LINGO2: variants seen among roughly 807,000 people sequenced by gnomAD.
The protein encoded by LINGO2 is leucine-rich repeat and immunoglobulin-like domain-containing nogo receptor-interacting protein 2.
Under a neutral mutation model 30.6 loss-of-function variants are expected in LINGO2, and 14 were observed. The observed-to-expected ratio is 0.46, with a 90% CI of 0.30 to 0.72. The LOEUF (loss-of-function observed/expected upper bound fraction) is 0.72, where lower values mean the gene tolerates loss of function less well. LINGO2 is among the 30% of genes least tolerant of loss of function. The pLI is 0.07. For missense variants in LINGO2, 729 were observed against 751.7 expected, an observed-to-expected ratio of 0.97 and a Z score of 0.35; for synonymous variants, 317 against 288.5, an observed-to-expected ratio of 1.10 and a Z score of -1.00.
chr9:28,831,282 A>G, the LINGO2 span, among the ~76,000 whole-genome samples: 1 of 152,218 alleles, frequency 6.6e-6, no homozygotes, highest in African/African-American at 2.4e-5. Flanking sequence ...GAAAAATTAA[A>G]CGTACAAAGA....
At chr9:29,079,386 CT>C in the LINGO2 span, among the ~76,000 whole-genome samples, 4 of 151,968 alleles carry the variant, frequency 2.6e-5, no homozygotes, top group East Asian at 7.7e-4. Flanking sequence ...GAGAAAATGT[CT>C]GCTAAAAGGC....
the LINGO2 span, among the ~76,000 whole-genome samples, chr9:28,679,426 TTGCTGA>T: frequency 6.6e-6 from 1 of 152,112 alleles, no homozygotes; most frequent in Non-Finnish European, 1.5e-5. Context: ...TAAGGATGTC[TTGCTGA>T]TGCTTTTCAG....
the LINGO2 span, among the ~76,000 whole-genome samples, chr9:28,692,253 T>C: frequency 3.9e-5 from 6 of 151,966 alleles, no homozygotes; most frequent in Non-Finnish European, 5.9e-5. Context: ...GGTCGGCGGA[T>C]CACCTGAGGT....
At chr9:28,542,858 T>A (rs777383188) in intron 1 of LINGO2, among the ~76,000 whole-genome samples, 1 of 151,994 alleles carries the variant, frequency 6.6e-6, no homozygotes, top group East Asian at 1.9e-4. Flanking sequence ...GAGAACAACA[T>A]GCCTAAAGCT....
At chr9:29,105,689 C>T in the LINGO2 span, among the ~76,000 whole-genome samples, 35,854 of 151,910 alleles carry the variant, frequency 0.24, 4,362 homozygotes, top group East Asian at 0.4. Context: ...CCTGACCTAA[C>T]GAATTCATGC....
the LINGO2 span, among the ~76,000 whole-genome samples, chr9:29,032,017 T>C: frequency 6.6e-6 from 1 of 152,134 alleles, no homozygotes; most frequent in Non-Finnish European, 1.5e-5. Context: ...AAGTTTGTAA[T>C]ACAAAATAGC....
intron 2 of LINGO2, among the ~76,000 whole-genome samples, chr9:28,458,585 C>G (rs1409060277): frequency 6.6e-6 from 1 of 152,086 alleles, no homozygotes; most frequent in Non-Finnish European, 1.5e-5. Context: ...ACTTGGTCAT[C>G]CTCTCACTGA....
intron 1 of LINGO2, among the ~76,000 whole-genome samples, chr9:28,579,421 T>G (rs1824153812): frequency 6.6e-6 from 1 of 152,120 alleles, no homozygotes; most frequent in Non-Finnish European, 1.5e-5. Flanking sequence ...AATACTTTGT[T>G]GCTGGCTGTC....
At chr9:28,478,821 G>A (rs529801774) in intron 1 of LINGO2, among the ~76,000 whole-genome samples, 4 of 152,050 alleles carry the variant, frequency 2.6e-5, no homozygotes, top group African/African-American at 9.6e-5. Flanking sequence ...GCACCCTGAT[G>A]TCACCTAATG....
chr9:29,018,095 A>C, the LINGO2 span, among the ~76,000 whole-genome samples: 5 of 24,730 alleles, frequency 2.0e-4, no homozygotes, highest in African/African-American at 3.9e-4. Flanking sequence ...TACATTTTAT[A>C]TATATATATA....
At chr9:28,790,199 T>C in the LINGO2 span, among the ~76,000 whole-genome samples, 1 of 152,176 alleles carries the variant, frequency 6.6e-6, no homozygotes, top group Non-Finnish European at 1.5e-5. Flanking sequence ...ATATATTACC[T>C]GTCTGTTAGT....
At chr9:28,700,732 T>A in the LINGO2 span, among the ~76,000 whole-genome samples, 1 of 152,098 alleles carries the variant, frequency 6.6e-6, no homozygotes, top group Non-Finnish European at 1.5e-5. Context: ...TCCAAACTGT[T>A]TTCCAAAGTG....
Position 28,593,077 on chromosome 9 carries a change from A to T in LINGO2, c.-365+77123T>A, listed in dbSNP as rs560537126. Among the ~76,000 whole-genome samples, 12 of 152,232 alleles carry T rather than the reference A, an allele frequency of 7.9e-5. 1 individual carries two copies. Among genetic ancestry groups the T allele is most frequent in the African/African-American group, 2.9e-4 (12 of 41,562 alleles). ...AAATACTAATTACATTTCCTGCTTT[A>T]GGTGTGAACTCTGCTTCTCCTATTA... On this transcript the variant is annotated intron_variant, in intron 1 of 5. Coordinates refer to ENST00000379992, the Ensembl canonical transcript of LINGO2.
At position 28,130,722 on chromosome 9, in the gene LINGO2, T is replaced by C. The variant is rs993011126; in HGVS notation, c.-86-118317A>G. On this transcript the variant is annotated intron_variant, in intron 4 of 5. Transcript: ENST00000379992. This position sits in a 1 kb window ranked among gnomAD's most constrained non-coding sequence, Gnocchi z 5.2. ...CTAGGATGGCCAGAGTTTCAGATAA[T>C]AGAGAAGAGTAGGACACTGTTCTTA... Among the ~76,000 whole-genome samples, 26 of 152,122 alleles carry C rather than the reference T, an allele frequency of 1.7e-4. No individual in the cohort carries two copies. The highest frequency in any genetic ancestry group is 5.1e-4 in the African/African-American group (21 of 41,426).
At chr9:29,170,604 A>G in the LINGO2 span, among the ~76,000 whole-genome samples, 2 of 152,122 alleles carry the variant, frequency 1.3e-5, no homozygotes, top group Non-Finnish European at 2.9e-5. Context: ...AAAAAAAGAA[A>G]AAGAATACTG....
At chr9:28,669,699 G>A (rs1279199883) in intron 1 of LINGO2, among the ~76,000 whole-genome samples, 1 of 151,912 alleles carries the variant, frequency 6.6e-6, no homozygotes, top group Non-Finnish European at 1.5e-5. Context: ...AGGGCCATTA[G>A]TACTAGTGGG....
intron 4 of LINGO2, among the ~76,000 whole-genome samples, chr9:28,109,126 C>A (rs1281345968): frequency 2.0e-5 from 3 of 152,188 alleles, no homozygotes; most frequent in African/African-American, 7.2e-5. Flanking sequence ...ATCACATAAT[C>A]AGAACCAATG....
At chr9:28,689,409 C>G in the LINGO2 span, among the ~76,000 whole-genome samples, 6 of 152,022 alleles carry the variant, frequency 3.9e-5, no homozygotes, top group African/African-American at 1.4e-4. Flanking sequence ...CATGAACAGA[C>G]AGTTCTCAAA....
chr9:28,261,224 T>C (rs939805321), intron 4 of LINGO2, among the ~76,000 whole-genome samples: 1 of 151,992 alleles, frequency 6.6e-6, no homozygotes, highest in African/African-American at 2.4e-5. Context: ...GAAAGTCCTC[T>C]ATATTATGTA....
Sources: gnomAD v4.1 joint callset for allele counts (sites outside exome capture counted in the v4.1 genomes callset) on GRCh38, gnomAD v4.1.1 for gene constraint, Gnocchi (gnomAD v3.1) non-coding constraint, MANE v1.5 for transcripts, NCBI Gene and HGNC (gene_info 2026-07-23, HGNC 2026-07-21) for gene names.